The following PCDH15 variants were observed in gnomAD, a reference collection of about 807,000 sequenced individuals.
PCDH15 encodes the protein protocadherin-15.
Under a neutral mutation model 178.5 loss-of-function variants are expected in PCDH15, and 129 were observed. That is an observed-to-expected ratio of 0.72 (90% CI 0.63 to 0.84). The LOEUF (loss-of-function observed/expected upper bound fraction) is 0.84. Ranked by LOEUF, PCDH15 falls within the 40% of genes least tolerant of loss-of-function variation. The pLI, the probability that PCDH15 is intolerant of heterozygous loss-of-function variation, is 0.00. For missense variants in PCDH15, 2,230 were observed against 2,099.9 expected (o/e 1.06, Z -1.21); for synonymous variants, 800 against 732.0 (o/e 1.09, Z -1.50).
intron 2 of PCDH15, among the ~76,000 whole-genome samples, chr10:55,143,625 A>T (rs1038394010): frequency 6.6e-6 from 1 of 151,598 alleles, no homozygotes; most frequent in African/African-American, 2.4e-5. Flanking sequence ...TCACATTAAC[A>T]TTTGAATTTT....
chr10:54,501,249 G>T (rs2080657390), intron 3 of PCDH15, among the ~76,000 whole-genome samples: 1 of 150,692 alleles, frequency 6.6e-6, no homozygotes, highest in Admixed American at 6.6e-5. Flanking sequence ...AAAAAAAAAA[G>T]GTTCCACAAG....
intron 9 of PCDH15, among the ~76,000 whole-genome samples, chr10:54,221,172 G>A (rs959999088): frequency 4.6e-5 from 7 of 151,838 alleles, no homozygotes; most frequent in East Asian, 1.9e-4. Context: ...TAAATAATAC[G>A]GTGAATTTCA....
At chr10:55,379,193 G>C (rs906271715) in intron 2 of PCDH15, among the ~76,000 whole-genome samples, 63 of 151,806 alleles carry the variant, frequency 4.2e-4, no homozygotes, top group Non-Finnish European at 5.9e-5. Flanking sequence ...TCAAGAATCT[G>C]CCTTTCCCCT....
intron 1 of PCDH15, among the ~76,000 whole-genome samples, chr10:54,697,534 T>TATATATAC (rs1256170283): frequency 3.3e-5 from 5 of 150,624 alleles, no homozygotes; most frequent in African/African-American, 1.2e-4. Context: ...TATATATATA[T>TATATATAC]ACCTCTTTAC....
rs71461272 is a variant in PCDH15 at position 55,040,494 on chromosome 10, TACA to T, written c.-80+126079_-80+126081del. On this transcript the variant is annotated intron_variant, in intron 2 of 5. Coordinates refer to the PCDH15 transcript ENST00000458638. Reference sequence around the variant, plus strand: ...TGAATCAAAAAAAAACCAAAACAACTACAACAACAACAACAACAACAACAACAA... The same window carrying T: ...TGAATCAAAAAAAAACCAAAACAACTACAACAACAACAACAACAACAACAA... Among the ~76,000 whole-genome samples, 1,458 of 149,822 alleles carry T rather than the reference TACA, an allele frequency of 9.7e-3. 15 individuals carry two copies. Among genetic ancestry groups the T allele is most frequent in the African/African-American group, 0.026 (1,059 of 40,820 alleles).
intron 2 of PCDH15, among the ~76,000 whole-genome samples, chr10:55,089,165 C>T (rs1842252990): frequency 7.9e-5 from 12 of 151,898 alleles, no homozygotes; most frequent in Admixed American, 7.9e-4. Flanking sequence ...TTCATAAAAC[C>T]AAATAATCAC....
chr10:55,027,251 G>C (rs771820752), intron 2 of PCDH15, among the ~76,000 whole-genome samples: 4 of 151,796 alleles, frequency 2.6e-5, no homozygotes, highest in Non-Finnish European at 4.4e-5. Flanking sequence ...GTTAGAGAAA[G>C]AACTAGTTGG....
At chr10:55,192,805 G>GTACA (rs939164249) in intron 1 of PCDH15, among the ~76,000 whole-genome samples, 11 of 150,430 alleles carry the variant, frequency 7.3e-5, no homozygotes, top group Non-Finnish European at 1.6e-4. Flanking sequence ...ATGCATACAT[G>GTACA]TACATACATA....
In PCDH15 at chr10:54,966,698, C is replaced by T. The variant is rs576612236; in HGVS notation, c.-79-69198G>A. On this transcript the variant is annotated intron_variant, in intron 2 of 5. Transcript: ENST00000458638. ...TGTTCTCATGGTAGTGAATAAGTCTCATGAGATCTGATGTTTTTATAAGTG... is the reference window on the plus strand; with the variant it reads ...TGTTCTCATGGTAGTGAATAAGTCTTATGAGATCTGATGTTTTTATAAGTG... Among the ~76,000 whole-genome samples the T allele has an allele frequency of 2.0e-5, 3 of 152,174 alleles. No homozygotes were observed. In the East Asian group the frequency reaches 5.8e-4, roughly 30 times the overall value.
At chr10:55,313,852 T>C (rs1031788812) in intron 1 of PCDH15, among the ~76,000 whole-genome samples, 7 of 152,094 alleles carry the variant, frequency 4.6e-5, no homozygotes, top group African/African-American at 1.4e-4. Context: ...TAAAACAAAA[T>C]GTGTATACCT....
At chr10:53,902,855 A>C (rs1009955361) in intron 26 of PCDH15, among the ~76,000 whole-genome samples, 1 of 152,070 alleles carries the variant, frequency 6.6e-6, no homozygotes, top group African/African-American at 2.4e-5. Context: ...TTCAGAAAAA[A>C]ATGGTTAATT....
At chr10:55,424,993 T>G (rs1347191689) in intron 2 of PCDH15, among the ~76,000 whole-genome samples, 2 of 151,910 alleles carry the variant, frequency 1.3e-5, no homozygotes, top group East Asian at 3.9e-4. Flanking sequence ...GCAAATACTT[T>G]TAAGAAACAG....
At chr10:55,410,485 C>A (rs1286949694) in intron 2 of PCDH15, among the ~76,000 whole-genome samples, 1 of 152,076 alleles carries the variant, frequency 6.6e-6, no homozygotes, top group African/African-American at 2.4e-5. Flanking sequence ...TAAATTCTAT[C>A]CGTAATCAAA....
At chr10:54,237,006 G>T in intron 8 of PCDH15, 75 bp from the exon 9 acceptor site, 1 of 1,223,046 alleles carries the variant, frequency 8.2e-7, no homozygotes, top group Non-Finnish European at 1.2e-6. Context: ...AGATGCTTTA[G>T]TTTGGAAATC....
In PCDH15 at chr10:54,230,498, T is replaced by G. The variant is rs141440583; in HGVS notation, c.985+6325A>C. Among the ~76,000 whole-genome samples, 197 of 152,260 alleles carry G rather than the reference T, an allele frequency of 1.3e-3. 1 individual carries two copies. The highest frequency in any genetic ancestry group is 4.3e-3 in the African/African-American group (180 of 41,572). On this transcript the variant is annotated intron_variant, in intron 9 of 37. Coordinates refer to ENST00000644397, the MANE Select transcript of PCDH15 (RefSeq NM_001384140.1). ...CACAATAGAAGAAATGTTGGGCCCATGAACATTTTCATCCCTTCTCAATGT... is the reference window on the plus strand; with the variant it reads ...CACAATAGAAGAAATGTTGGGCCCAGGAACATTTTCATCCCTTCTCAATGT...
At chr10:55,140,259 A>G (rs1168597826) in intron 2 of PCDH15, among the ~76,000 whole-genome samples, 6 of 151,908 alleles carry the variant, frequency 3.9e-5, no homozygotes, top group African/African-American at 1.2e-4. Flanking sequence ...TTTTGGTACT[A>G]TGTTGCATGA....
chr10:54,139,600 T>C (rs918080691), intron 14 of PCDH15, among the ~76,000 whole-genome samples: 4 of 152,152 alleles, frequency 2.6e-5, no homozygotes, highest in African/African-American at 9.7e-5. Context: ...CAGAATTTCT[T>C]GCTTCTCAGA....
At chr10:54,705,224 T>A (rs963908758) in intron 1 of PCDH15, among the ~76,000 whole-genome samples, 6 of 152,074 alleles carry the variant, frequency 3.9e-5, no homozygotes, top group African/African-American at 1.4e-4. Context: ...AATTATTACC[T>A]TGGGTATGAA....
At chr10:53,821,298 ATAGCACCTGAGATT>A in intron 32 of PCDH15, 1 of 986,640 alleles carries the variant, frequency 1.0e-6, no homozygotes, top group Non-Finnish European at 1.2e-6. Flanking sequence ...ACTACATGTT[ATAGCACCTGAGATT>A]TATTTTGAAA....
Sources: allele counts gnomAD v4.1 joint callset (sites outside exome capture counted in the v4.1 genomes callset), GRCh38; gene constraint gnomAD v4.1.1; transcripts MANE v1.5; gene names NCBI Gene and HGNC (gene_info 2026-07-23, HGNC 2026-07-21).